UNC13C: variants seen among roughly 807,000 people sequenced by gnomAD.
The protein encoded by UNC13C is unc-13 homolog C.
Under a neutral mutation model 245.4 loss-of-function variants are expected in UNC13C, and 174 were observed. The observed-to-expected ratio is 0.71, with a 90% CI of 0.63 to 0.80. UNC13C has a LOEUF of 0.80. UNC13C is among the 30% of genes least tolerant of loss of function. UNC13C has a pLI of 0.00. For missense variants in UNC13C, 2,829 were observed against 2,602.9 expected, an observed-to-expected ratio of 1.09 and a Z score of -1.89; for synonymous variants, 992 against 895.1, an observed-to-expected ratio of 1.11 and a Z score of -1.93.
At chr15:54,390,874 G>A (rs930587477) in intron 17 of UNC13C, among the ~76,000 whole-genome samples, 7 of 151,706 alleles carry the variant, frequency 4.6e-5, no homozygotes, top group Admixed American at 1.3e-4. Flanking sequence ...ATTACAATAC[G>A]CTATTAAAGT....
the UNC13C span, among the ~76,000 whole-genome samples, chr15:53,855,338 A>T: frequency 2.6e-5 from 4 of 152,148 alleles, no homozygotes; most frequent in African/African-American, 9.7e-5. Flanking sequence ...TATGTTGAGT[A>T]GGAGTGGTTA....
At chr15:54,081,570 A>G (rs925589299) in intron 2 of UNC13C, among the ~76,000 whole-genome samples, 4 of 151,558 alleles carry the variant, frequency 2.6e-5, no homozygotes, top group African/African-American at 9.7e-5. Flanking sequence ...CTGTTGTTTT[A>G]AAGTATGTTT....
chr15:54,377,621 C>T (rs1304457573), intron 17 of UNC13C, among the ~76,000 whole-genome samples: 1 of 152,186 alleles, frequency 6.6e-6, no homozygotes, highest in South Asian at 2.1e-4. Context: ...TCTCACAGTT[C>T]TGAGGCCAGG....
chr15:54,143,601 C>G lies in UNC13C; in HGVS notation c.3007-19C>G, dbSNP rs760300343. The G allele has an allele frequency of 1.4e-5, 23 of 1,610,758 alleles. No homozygotes were observed. Among genetic ancestry groups the G allele is most frequent in the Non-Finnish European group, 2.0e-5 (23 of 1,177,804 alleles). On this transcript the variant is annotated intron_variant, in intron 3 of 32. Coordinates refer to ENST00000260323, the MANE Select transcript of UNC13C (RefSeq NM_001080534.3). ...CTAAAAGCCTGTTTGTTTTGTTTTT[C>G]TCTTACTCTTCATTTAAGGCTCGAA... is the stretch of plus-strand genomic sequence containing the variant.
the UNC13C span, among the ~76,000 whole-genome samples, chr15:53,883,446 A>G: frequency 6.6e-6 from 1 of 152,194 alleles, no homozygotes; most frequent in Non-Finnish European, 1.5e-5. Flanking sequence ...GATAACTTTA[A>G]AGATAACTGT....
At chr15:54,463,204 A>G (rs557349843) in intron 19 of UNC13C, among the ~76,000 whole-genome samples, 115 of 136,904 alleles carry the variant, frequency 8.4e-4, no homozygotes, top group Non-Finnish European at 1.1e-3. Flanking sequence ...TGGGCCAATC[A>G]GCTCTCAGTA....
chr15:53,840,114 A>T, the UNC13C span, among the ~76,000 whole-genome samples: 1 of 152,112 alleles, frequency 6.6e-6, no homozygotes, highest in African/African-American at 2.4e-5. Flanking sequence ...CTCTGCTAAG[A>T]TTCCAATTCC....
intron 19 of UNC13C, among the ~76,000 whole-genome samples, chr15:54,417,964 A>C (rs934547491): frequency 6.6e-6 from 1 of 152,044 alleles, no homozygotes; most frequent in Non-Finnish European, 1.5e-5. Flanking sequence ...TAGCTCTGTC[A>C]CCAGGCTGGA....
At chr15:54,026,877 A>G (rs1430919912) in intron 2 of UNC13C, among the ~76,000 whole-genome samples, 3 of 152,212 alleles carry the variant, frequency 2.0e-5, no homozygotes, top group African/African-American at 7.2e-5. Context: ...GACAAATCAT[A>G]TTTGGTCTTT....
At chr15:54,560,462 C>G (rs1178420464) in intron 29 of UNC13C, among the ~76,000 whole-genome samples, 4 of 151,382 alleles carry the variant, frequency 2.6e-5, no homozygotes, top group Non-Finnish European at 4.4e-5. Context: ...CCTCTCAAAT[C>G]ACAACCAGGT....
the UNC13C span, among the ~76,000 whole-genome samples, chr15:53,880,290 A>G: frequency 4.6e-5 from 7 of 152,326 alleles, no homozygotes; most frequent in African/African-American, 1.4e-4. Flanking sequence ...TAAAACAACT[A>G]CATTATAAAG....
the UNC13C span, among the ~76,000 whole-genome samples, chr15:53,936,553 G>C: frequency 1.3e-5 from 2 of 152,174 alleles, no homozygotes; most frequent in Non-Finnish European, 2.9e-5. Context: ...GTGAGACCCT[G>C]GTCCCATTCC....
chr15:54,313,025 G>A (rs999170638), intron 13 of UNC13C, among the ~76,000 whole-genome samples: 1 of 151,704 alleles, frequency 6.6e-6, no homozygotes, highest in African/African-American at 2.4e-5. Context: ...GATGCTTAGA[G>A]GGATTGAGTC....
chr15:54,083,985 C>T (rs1273042378), intron 2 of UNC13C, among the ~76,000 whole-genome samples: 1 of 152,232 alleles, frequency 6.6e-6, no homozygotes, highest in Non-Finnish European at 1.5e-5. Flanking sequence ...CAAATCGCCA[C>T]GGACAGTGTT....
chr15:54,393,036 A>G lies in UNC13C; in HGVS notation c.4714-12A>G, dbSNP rs577304581. 1 of 1,573,628 alleles carries G rather than the reference A, an allele frequency of 6.4e-7. No homozygotes were observed. Among genetic ancestry groups the G allele is most frequent in the African/African-American group, 1.4e-5 (1 of 72,584 alleles). The stretch of plus-strand genomic sequence containing the variant: ...ACCTTTTCTTTTGCATGTTGCGTGA[A>G]CTTGTGAGCAGAGTAAGAAACAGGA... On this transcript the variant is annotated splice_polypyrimidine_tract_variant and intron_variant, in intron 17 of 32. Coordinates refer to ENST00000260323, the MANE Select transcript of UNC13C (RefSeq NM_001080534.3).
At chr15:54,204,298 T>C in intron 4 of UNC13C, among the ~76,000 whole-genome samples, 1 of 47,168 alleles carries the variant, frequency 2.1e-5, no homozygotes, top group Non-Finnish European at 5.1e-5. Flanking sequence ...ATAAAAAGAT[T>C]AAAAATTGAA....
At chr15:54,346,586 A>C (rs923485025) in intron 17 of UNC13C, among the ~76,000 whole-genome samples, 7 of 152,242 alleles carry the variant, frequency 4.6e-5, no homozygotes, top group African/African-American at 1.7e-4. Flanking sequence ...ACCATATAAA[A>C]ATAAAATGCT....
At chr15:54,376,422 G>A (rs1206964397) in intron 17 of UNC13C, among the ~76,000 whole-genome samples, 2 of 152,014 alleles carry the variant, frequency 1.3e-5, no homozygotes, top group Non-Finnish European at 2.9e-5. Flanking sequence ...GCATATACGA[G>A]TTTAAATTTT....
intron 14 of UNC13C, 48 bp from the exon 15 acceptor site, chr15:54,331,995 G>C: frequency 1.6e-6 from 2 of 1,273,150 alleles, no homozygotes; most frequent in African/African-American, 1.5e-5. Flanking sequence ...GAGGTCTTTA[G>C]AGTGGTCATT....
Sources: gnomAD v4.1 joint callset for allele counts (sites outside exome capture counted in the v4.1 genomes callset) on GRCh38, gnomAD v4.1.1 for gene constraint, MANE v1.5 for transcripts, NCBI Gene and HGNC (gene_info 2026-07-23, HGNC 2026-07-21) for gene names.